SAFB: variants seen among roughly 807,000 people sequenced by gnomAD.
SAFB encodes the protein scaffold attachment factor B.
Under a neutral mutation model 101.6 loss-of-function variants are expected in SAFB, and 15 were observed. That is an observed-to-expected ratio of 0.15 (90% CI 0.10 to 0.23). SAFB has a LOEUF of 0.23. Among genes scored for constraint, SAFB ranks in the 10% least tolerant of loss-of-function variants. The pLI is 1.00. For synonymous variants in SAFB, 449 were observed against 407.5 expected, an observed-to-expected ratio of 1.10 and a Z score of -1.23; for missense variants, 930 against 1,104.1, an observed-to-expected ratio of 0.84 and a Z score of 2.23.
intron 1 of SAFB, among the ~76,000 whole-genome samples, chr19:5,623,686 C>T (rs925782555): frequency 6.6e-6 from 1 of 152,132 alleles, no homozygotes; most frequent in South Asian, 2.1e-4. Flanking sequence ...CTCCCCTCGT[C>T]TCGTCCCCTC....
At chr19:5,653,800 C>G (rs1253773609) in intron 11 of SAFB, among the ~76,000 whole-genome samples, 1 of 151,946 alleles carries the variant, frequency 6.6e-6, no homozygotes, top group Non-Finnish European at 1.5e-5. Context: ...ACTCTGTTGC[C>G]CAGGCTGGTG....
chr19:5,623,254 G>A lies in SAFB; in HGVS notation c.49G>A (p.Ala17Thr). The A allele has an allele frequency of 1.3e-6, 2 of 1,573,260 alleles. No homozygotes were observed. The highest frequency in any genetic ancestry group is 1.7e-6 in the Non-Finnish European group (2 of 1,160,240). ...AGGTGATTCTGGAGCGGCGGGCGCG[G>A]CGGCTCTGAGCTCCGCCTCGTCAGA... ...GLGDSGAAGA[A>T]ALSSASSETG... is the part of the protein sequence containing the mutation. Residue 17 changes from alanine to threonine, a missense_variant, in exon 1 of 21, where the codon GCG (alanine) becomes ACG (threonine). Physicochemically the swap from Ala to Thr is moderately conservative, Grantham distance 58 (BLOSUM62 0). Coordinates refer to ENST00000588852, the MANE Select transcript of SAFB (RefSeq NM_001201338.2).
rs752919112 is a variant in SAFB, at chr19:5,623,340, A to G, written c.135A>G (p.Lys45=). 10 of 1,613,980 alleles carry G rather than the reference A, an allele frequency of 6.2e-6. No homozygotes were observed. Among genetic ancestry groups the G allele is most frequent in the Non-Finnish European group, 5.9e-6 (7 of 1,179,876 alleles). The change falls in exon 1 of 21, where the codon AAA becomes AAG. Residue 45 remains lysine (K), a synonymous_variant. Transcript: ENST00000588852. ...RVIDLRAELR[K]RNVDSSGNKS... ...TCGATCTGCGGGCGGAGCTGAGGAA[A>G]CGGAATGTGGACTCGAGCGGCAACA...
At position 5,649,691 on chromosome 19, in the gene SAFB, A is replaced by G. The variant is rs1457001004; in HGVS notation, c.1148+192A>G. 11 of 712,360 alleles carry G rather than the reference A, an allele frequency of 1.5e-5. No homozygotes were observed. In the South Asian group the frequency reaches 2.0e-4, roughly 13 times the overall value. 44.1% of individuals were successfully genotyped at this position (712,360 alleles called of 1,614,324 possible). A position where few individuals can be genotyped will look rare whatever the true frequency, so the allele number is the denominator to read the frequency against. On this transcript the variant is annotated intron_variant, in intron 7 of 20. Coordinates refer to ENST00000588852, the MANE Select transcript of SAFB (RefSeq NM_001201338.2). The stretch of plus-strand genomic sequence containing the variant: ...CAATTCCTTTTCTTTTTCTCAACCT[A>G]CCATGGTTGTGTTCTTAAATTCTTC...
chr19:5,640,948 T>A (rs1430910668), intron 2 of SAFB, among the ~76,000 whole-genome samples: 1 of 135,564 alleles, frequency 7.4e-6, no homozygotes, highest in Admixed American at 7.5e-5. Context: ...TTTTTTTTTT[T>A]AACCGAGTTT....
chr19:5,661,536 T>C lies in SAFB; in HGVS notation c.1881T>C (p.Ser627=), dbSNP rs1302895973. 1 of 1,612,840 alleles carries C rather than the reference T, an allele frequency of 6.2e-7. No individual in the cohort carries two copies. The highest frequency in any genetic ancestry group is 2.2e-5 in the East Asian group (1 of 44,870). ...TGTGCAGCAGGGTGCGTGAACGCAG[T>C]GAACGCGAACAACGCATGCAGGCGC... ...SESHSRVRER[S]EREQRMQAQW... Residue 627 remains serine, a synonymous_variant, in exon 15 of 21, where the codon AGT becomes AGC. Transcript: ENST00000588852.
intron 2 of SAFB, among the ~76,000 whole-genome samples, chr19:5,632,306 A>G (rs889081485): frequency 1.3e-5 from 2 of 152,152 alleles, no homozygotes; most frequent in African/African-American, 4.8e-5. Flanking sequence ...AGAGTCCCCA[A>G]ATATTGCCAT....
intron 13 of SAFB, among the ~76,000 whole-genome samples, chr19:5,656,923 A>G (rs991508557): frequency 3.3e-5 from 5 of 151,908 alleles, no homozygotes; most frequent in African/African-American, 1.2e-4. Context: ...AGCTCCCACC[A>G]CTATGCCCGG....
At chr19:5,651,831 G>A (rs1192274967) in intron 9 of SAFB, among the ~76,000 whole-genome samples, 1 of 152,218 alleles carries the variant, frequency 6.6e-6, no homozygotes, top group Admixed American at 6.5e-5. Flanking sequence ...GTGTTACACA[G>A]TGAGGGTTCA....
rs1441461166 is a variant in SAFB, at chr19:5,626,259, GAGTGGATGGGCCAC to G, written c.190-143_190-130del. ...TCCAGTGTAGAGCGAGATAACAGATGAGTGGATGGGCCACAGGTCCTGGGTGGTGAGGGCGGCAG... is the reference window on the plus strand; with the variant it reads ...TCCAGTGTAGAGCGAGATAACAGATGAGGTCCTGGGTGGTGAGGGCGGCAG... On this transcript the variant is annotated intron_variant, in intron 1 of 20. Transcript: ENST00000588852. 16 of 601,400 alleles carry G rather than the reference GAGTGGATGGGCCAC, an allele frequency of 2.7e-5. No homozygotes were observed. In the East Asian group the frequency reaches 4.5e-4, roughly 17 times the overall value. 37.3% of individuals were successfully genotyped at this position (601,400 alleles called of 1,614,324 possible). A position where few individuals can be genotyped will look rare whatever the true frequency, so the allele number is the denominator to read the frequency against.
rs1166532650 is a variant in SAFB at position 5,645,324 on chromosome 19, A to T, written c.547-13A>T. ...TGGTGTGATGAACTGTATTTTCTCC[A>T]TTTATTTTACAGATAGAGGACAAAG... On this transcript the variant is annotated splice_polypyrimidine_tract_variant and intron_variant, in intron 4 of 20. Transcript: ENST00000588852. The T allele has an allele frequency of 1.8e-6, 2 of 1,103,692 alleles. No individual in the cohort carries two copies. Among genetic ancestry groups the T allele is most frequent in the African/African-American group, 3.1e-5 (2 of 65,110 alleles). The allele number at this position is 1,103,692 out of a possible 1,614,324, so 68.4% of individuals were successfully genotyped here. A position where few individuals can be genotyped will look rare whatever the true frequency, so the allele number is the denominator to read the frequency against.
intron 2 of SAFB, among the ~76,000 whole-genome samples, chr19:5,626,739 G>A (rs772152841): frequency 5.9e-5 from 9 of 152,166 alleles, no homozygotes; most frequent in African/African-American, 1.2e-4. Context: ...GATTGTCAGC[G>A]GTCCTTAAAT....
rs1278647629 is a variant in SAFB, at chr19:5,668,238, G to T, written c.2701G>T (p.Gly901Cys). Reference sequence around the variant, plus strand: ...CGGTGGCATGCAGGGCGGGTTTGGAGGCCAGAGCCGGGGGAGCAGGCCCAG... The same window carrying T: ...CGGTGGCATGCAGGGCGGGTTTGGATGCCAGAGCCGGGGGAGCAGGCCCAG... ...PHGGMQGGFG[G>C]QSRGSRPSDA... The change falls in exon 21 of 21, where the codon GGC (glycine) becomes TGC (cysteine). Residue 901 changes from glycine (G) to cysteine (C), a missense_variant. By Grantham distance (159) the Gly-to-Cys change is radical. Transcript: ENST00000588852. 2 of 1,611,182 alleles carry T rather than the reference G, an allele frequency of 1.2e-6. No homozygotes were observed. Among genetic ancestry groups the T allele is most frequent in the Non-Finnish European group, 1.7e-6 (2 of 1,179,390 alleles).
chr19:5,625,821 T>A (rs1223899763), intron 1 of SAFB, among the ~76,000 whole-genome samples: 2 of 152,184 alleles, frequency 1.3e-5, no homozygotes, highest in Non-Finnish European at 2.9e-5. Flanking sequence ...GTTGTGAATG[T>A]ACATGATGGG....
At chr19:5,657,149 C>T in intron 13 of SAFB, 92 bp from the exon 14 acceptor site, 1 of 835,576 alleles carries the variant, frequency 1.2e-6, no homozygotes, top group Non-Finnish European at 2.0e-6. Flanking sequence ...AAGTGATCCA[C>T]CCGCCCTGAA....
chr19:5,638,026 C>T (rs1338134133), intron 2 of SAFB, among the ~76,000 whole-genome samples: 4 of 152,198 alleles, frequency 2.6e-5, no homozygotes, highest in Non-Finnish European at 5.9e-5. Context: ...TCTGTTATTT[C>T]TGGTATCATC....
intron 14 of SAFB, among the ~76,000 whole-genome samples, chr19:5,660,186 TA>T (rs1207394064): frequency 6.6e-6 from 1 of 152,114 alleles, no homozygotes; most frequent in East Asian, 1.9e-4. Flanking sequence ...GTTTCTGATA[TA>T]AAACTGTGTG....
intron 13 of SAFB, among the ~76,000 whole-genome samples, chr19:5,654,859 C>T (rs1048557446): frequency 2.0e-5 from 3 of 152,264 alleles, no homozygotes; most frequent in Non-Finnish European, 4.4e-5. Context: ...TGAGCCACTG[C>T]GCCCAGCCTC....
chr19:5,655,769 A>G (rs1476556349), intron 13 of SAFB, among the ~76,000 whole-genome samples: 1 of 152,208 alleles, frequency 6.6e-6, no homozygotes, highest in East Asian at 1.9e-4. Flanking sequence ...TCTATAAAAC[A>G]CCTTTGGAAA....
Sources: allele counts gnomAD v4.1 joint callset (sites outside exome capture counted in the v4.1 genomes callset), GRCh38; gene constraint gnomAD v4.1.1; transcripts MANE v1.5; gene names NCBI Gene and HGNC (gene_info 2026-07-23, HGNC 2026-07-21).